Variants in GALNTL6 observed in about 807,000 individuals in gnomAD.
GALNTL6 encodes polypeptide N-acetylgalactosaminyltransferase like 6.
GALNTL6 carries 46 observed loss-of-function variants against 73.7 expected under a neutral mutation model. That is an observed-to-expected ratio of 0.62 (90% CI 0.49 to 0.80). The LOEUF (loss-of-function observed/expected upper bound fraction) is 0.80, where lower values mean the gene tolerates loss of function less well. GALNTL6 is among the 30% of genes least tolerant of loss of function. The pLI is 0.00. For synonymous variants in GALNTL6, 259 were observed against 263.7 expected (o/e 0.98, Z 0.17); for missense variants, 604 against 755.0 (o/e 0.80, Z 2.34).
intron 3 of GALNTL6, 150 bp from the exon 4 acceptor site, chr4:172,311,464 C>A: frequency 2.1e-6 from 1 of 485,486 alleles, no homozygotes; most frequent in Non-Finnish European, 3.5e-6. Context: ...TACTTAAAGG[C>A]AATTAAAATA....
intron 4 of GALNTL6, among the ~76,000 whole-genome samples, chr4:172,323,039 T>C (rs1428341585): frequency 6.6e-6 from 1 of 152,166 alleles, no homozygotes; most frequent in Non-Finnish European, 1.5e-5. Context: ...ATCCACTATA[T>C]TTCTGCCATG....
intron 8 of GALNTL6, among the ~76,000 whole-genome samples, chr4:172,912,296 G>A (rs969189081): frequency 1.3e-5 from 2 of 152,194 alleles, no homozygotes; most frequent in Non-Finnish European, 2.9e-5. Context: ...ACAGCTCCCA[G>A]TGTCAGCAAC....
intron 5 of GALNTL6, among the ~76,000 whole-genome samples, chr4:172,368,393 A>G (rs931187650): frequency 5.3e-5 from 8 of 151,504 alleles, no homozygotes; most frequent in African/African-American, 2.0e-4. Flanking sequence ...AACAAATAAC[A>G]ACAACAAAAA....
chr4:172,364,707 CAA>C (rs1742493154), intron 5 of GALNTL6, among the ~76,000 whole-genome samples: 1 of 152,066 alleles, frequency 6.6e-6, no homozygotes, highest in South Asian at 2.1e-4. Flanking sequence ...GAACTTTAAA[CAA>C]AGAGTGTGTA....
At chr4:172,415,010 T>C (rs1214556480) in intron 5 of GALNTL6, among the ~76,000 whole-genome samples, 1 of 152,216 alleles carries the variant, frequency 6.6e-6, no homozygotes, top group African/African-American at 2.4e-5. Context: ...TTTAGGCTTG[T>C]TGACTGTTAA....
chr4:172,067,191 G>A (rs1048971118), intron 2 of GALNTL6, among the ~76,000 whole-genome samples: 1 of 151,428 alleles, frequency 6.6e-6, no homozygotes, highest in African/African-American at 2.4e-5. Flanking sequence ...TACTTTAAAA[G>A]GCACAATAAA....
intron 5 of GALNTL6, among the ~76,000 whole-genome samples, chr4:172,726,312 T>C (rs1735801171): frequency 6.6e-6 from 1 of 152,080 alleles, no homozygotes; most frequent in East Asian, 1.9e-4. Context: ...GGTAATAAAC[T>C]TCTGCCGACC....
intron 5 of GALNTL6, among the ~76,000 whole-genome samples, chr4:172,753,536 T>C (rs1666560071): frequency 6.6e-6 from 1 of 152,114 alleles, no homozygotes; most frequent in African/African-American, 2.4e-5. Flanking sequence ...AACTGAAAAA[T>C]CACATTTTAA....
At chr4:172,079,539 T>C (rs962332858) in intron 2 of GALNTL6, among the ~76,000 whole-genome samples, 2 of 152,108 alleles carry the variant, frequency 1.3e-5, no homozygotes, top group African/African-American at 4.8e-5. Flanking sequence ...TCTCCAGAAA[T>C]GCTGTACCAG....
chr4:172,022,159 T>A (rs971543287), intron 2 of GALNTL6, among the ~76,000 whole-genome samples: 1 of 152,032 alleles, frequency 6.6e-6, no homozygotes, highest in Non-Finnish European at 1.5e-5. Context: ...ACCTACAGAC[T>A]GGGAGAAAAT....
chr4:172,519,677 T>A (rs543786440), intron 5 of GALNTL6, among the ~76,000 whole-genome samples: 5 of 151,858 alleles, frequency 3.3e-5, no homozygotes, highest in African/African-American at 7.2e-5. Flanking sequence ...TTTTTATAAG[T>A]ACTGAGCGAA....
intron 5 of GALNTL6, among the ~76,000 whole-genome samples, chr4:172,759,627 C>T (rs1548346): frequency 0.44 from 67,266 of 151,892 alleles, 17,280 homozygotes; most frequent in East Asian, 0.68. Context: ...GTCCTCACTC[C>T]GCCATCTCTT....
rs183438441 is a variant in GALNTL6, at chr4:171,838,154, G to A, written c.138+23436G>A. Among the ~76,000 whole-genome samples the A allele has an allele frequency of 1.8e-3, 270 of 150,194 alleles. 2 individuals carry two copies. The highest frequency in any genetic ancestry group is 6.0e-3 in the African/African-American group (245 of 40,664). Reference sequence around the variant, plus strand: ...TATTTATTTTTTGAGACAGAGTTTCGCTCTTTTTGCCCAGGCTGACGTGCA... The same window carrying A: ...TATTTATTTTTTGAGACAGAGTTTCACTCTTTTTGCCCAGGCTGACGTGCA... On this transcript the variant is annotated intron_variant, in intron 2 of 12. Coordinates refer to ENST00000506823, the MANE Select transcript of GALNTL6 (RefSeq NM_001034845.3).
chr4:171,914,712 G>A (rs115363478), intron 2 of GALNTL6, among the ~76,000 whole-genome samples: 1,665 of 149,770 alleles, frequency 0.011, 29 homozygotes, highest in African/African-American at 0.038. Flanking sequence ...CACCATGGCC[G>A]GCCAAAAATG....
intron 2 of GALNTL6, among the ~76,000 whole-genome samples, chr4:171,818,794 C>T (rs1038395735): frequency 1.3e-5 from 2 of 151,870 alleles, no homozygotes; most frequent in African/African-American, 4.8e-5. Flanking sequence ...AGATATGTGA[C>T]TTTACCTCCA....
At chr4:171,959,223 AT>A (rs201137661) in intron 2 of GALNTL6, among the ~76,000 whole-genome samples, 10 of 151,740 alleles carry the variant, frequency 6.6e-5, no homozygotes, top group East Asian at 3.9e-4. Context: ...AAATGCAGGA[AT>A]TTTTTTTTGA....
chr4:172,643,267 A>G (rs1006729297), intron 5 of GALNTL6, among the ~76,000 whole-genome samples: 4 of 152,002 alleles, frequency 2.6e-5, no homozygotes, highest in Non-Finnish European at 4.4e-5. Flanking sequence ...ACATAAATCA[A>G]TAAGCAAATG....
chr4:171,991,241 G>GT (rs1258001465), intron 2 of GALNTL6, among the ~76,000 whole-genome samples: 4 of 152,250 alleles, frequency 2.6e-5, no homozygotes, highest in East Asian at 3.9e-4. Context: ...ATTAGTGAAG[G>GT]TTTTACAGAA....
chr4:172,548,570 T>C (rs17058602), intron 5 of GALNTL6, among the ~76,000 whole-genome samples: 1,633 of 152,324 alleles, frequency 0.011, 24 homozygotes, highest in African/African-American at 0.037. Flanking sequence ...TACTTTAGAC[T>C]CCATTATCCA....
Sources: allele counts gnomAD v4.1 joint callset (sites outside exome capture counted in the v4.1 genomes callset), GRCh38; gene constraint gnomAD v4.1.1; transcripts MANE v1.5; gene names NCBI Gene and HGNC (gene_info 2026-07-23, HGNC 2026-07-21).